ZDHHC11: variants seen among roughly 807,000 people sequenced by gnomAD.
ZDHHC11 encodes palmitoyltransferase ZDHHC11.
In ZDHHC11, 44 loss-of-function variants were observed where a neutral mutation model predicts 51.3. That is an observed-to-expected ratio of 0.86 (90% confidence interval 0.67 to 1.10). The LOEUF is 1.10. ZDHHC11 is among the 50% of genes least tolerant of loss of function. ZDHHC11 has a pLI of 0.00. For missense variants in ZDHHC11, 400 were observed against 537.7 expected (o/e 0.74, Z 2.53); for synonymous variants, 163 against 222.0 (o/e 0.73, Z 2.36).
At chr5:847,234 G>A (rs1746384353) in intron 3 of ZDHHC11, among the ~76,000 whole-genome samples, 1 of 151,710 alleles carries the variant, frequency 6.6e-6, no homozygotes, top group South Asian at 2.1e-4. Context: ...GGACAGCGTG[G>A]TCAGGAGGCC....
At chr5:827,661 T>A (rs1579658033) in intron 7 of ZDHHC11, among the ~76,000 whole-genome samples, 1 of 150,584 alleles carries the variant, frequency 6.6e-6, no homozygotes, top group African/African-American at 2.4e-5. Context: ...GATAAAAGAA[T>A]CACTCCAAAA....
chr5:825,062 T>C (rs1742135097), intron 8 of ZDHHC11, 102 bp downstream of exon 8: 2 of 1,206,534 alleles, frequency 1.7e-6, no homozygotes, highest in Non-Finnish European at 2.4e-6. Context: ...ACAGAGTGCT[T>C]CCATTCTGAA....
chr5:837,993 G>C (rs928603566), intron 5 of ZDHHC11, among the ~76,000 whole-genome samples: 2 of 151,936 alleles, frequency 1.3e-5, no homozygotes, highest in Non-Finnish European at 2.9e-5. Flanking sequence ...GGAGGACCAC[G>C]CAGTGGGGCG....
At chr5:802,712 AC>A (rs1738610605) in intron 11 of ZDHHC11, among the ~76,000 whole-genome samples, 1 of 149,468 alleles carries the variant, frequency 6.7e-6, no homozygotes, top group African/African-American at 2.5e-5. Context: ...GGTGGCTCAC[AC>A]CTGTAATCCC....
At position 799,348 on chromosome 5, in the gene ZDHHC11, A is replaced by C. The variant is rs916313656; in HGVS notation, c.*7+1752T>G. Among the ~76,000 whole-genome samples, 11 of 151,080 alleles carry C rather than the reference A, an allele frequency of 7.3e-5. 2 individuals carry two copies. The highest frequency in any genetic ancestry group is 2.7e-4 in the African/African-American group (11 of 41,194). ...TTAGTGGAAGAAGGCTGAGACCCTC[A>C]CCACATGCAGAGCTCAATCTTCAAC... On this transcript the variant is annotated intron_variant, in intron 12 of 12. Transcript: ENST00000283441.
intron 12 of ZDHHC11, among the ~76,000 whole-genome samples, chr5:798,555 G>A (rs1408108131): frequency 4.7e-5 from 7 of 150,124 alleles, no homozygotes; most frequent in African/African-American, 1.7e-4. Context: ...CCATCGGTCT[G>A]TATTCCACGA....
In ZDHHC11 at chr5:837,430, C is replaced by G; in HGVS notation, c.835G>C (p.Glu279Gln). Residue 279 changes from glutamate (E) to glutamine (Q), a missense_variant, in exon 6 of 13, where the codon GAG becomes CAG. Around this residue, in one of 5 missense-constraint regions of ZDHHC11, gnomAD observed 231 missense variants for 227.4 expected, o/e 1.02. Coordinates refer to ENST00000283441, the MANE Select transcript of ZDHHC11 (RefSeq NM_024786.3). ...FEYLINNRKEESSKHQAVRKD... is the reference protein window; with the variant it reads ...FEYLINNRKEQSSKHQAVRKD... ...CTCACTGCTTGATGTTTTGAACTCT[C>G]TTCTTTGCGGTTATTAATGAGATAC... is the stretch of plus-strand genomic sequence containing the variant. 1.2e-6 allele frequency: 2 copies of G among 1,612,668 alleles called. No homozygotes were observed. The highest frequency in any genetic ancestry group is 1.7e-6 in the Non-Finnish European group (2 of 1,178,960).
At chr5:820,276 G>A (rs1396635869) in intron 9 of ZDHHC11, among the ~76,000 whole-genome samples, 1 of 151,510 alleles carries the variant, frequency 6.6e-6, no homozygotes, top group African/African-American at 2.4e-5. Context: ...CAGTAGTTTT[G>A]CCAATTACCC....
At chr5:799,003 A>G (rs2150272455) in intron 12 of ZDHHC11, among the ~76,000 whole-genome samples, 1 of 151,940 alleles carries the variant, frequency 6.6e-6, no homozygotes, top group East Asian at 1.9e-4. Flanking sequence ...ATCTTGTTTC[A>G]GTCACTAATC....
intron 12 of ZDHHC11, among the ~76,000 whole-genome samples, chr5:799,705 C>G (rs1738135087): frequency 6.6e-6 from 1 of 151,528 alleles, no homozygotes; most frequent in Admixed American, 6.6e-5. Flanking sequence ...AGGCGCTGTT[C>G]TATAGACATT....
rs1316735731 is a variant in ZDHHC11, at chr5:840,615, G to T, written c.664C>A (p.Pro222Thr). Reference protein sequence around the residue: ...KNMNTWLLFLPLFPVQVQTLI... With the variant: ...KNMNTWLLFLTLFPVQVQTLI... ...GTCTGCACCTGCACCGGGAACAGGG[G>T]GAGGAACAGCAGCCACGTGTTCATA... Residue 222 changes from proline to threonine, a missense_variant, in exon 5 of 13, where the codon CCC becomes ACC. By Grantham distance (38) the Pro-to-Thr change is conservative. Coordinates refer to ENST00000283441, the MANE Select transcript of ZDHHC11 (RefSeq NM_024786.3). 1.2e-6 allele frequency: 2 copies of T among 1,613,780 alleles called. No individual in the cohort carries two copies. The highest frequency in any genetic ancestry group is 1.7e-5 in the Admixed American group (1 of 60,006).
chr5:834,165 T>C (rs10053896), intron 6 of ZDHHC11, among the ~76,000 whole-genome samples: 938 of 152,304 alleles, frequency 6.2e-3, no homozygotes, highest in Admixed American at 0.057. Flanking sequence ...GTCTGTCTTG[T>C]TGATGACAAG....
chr5:840,764 C>T (rs1452907580), intron 4 of ZDHHC11, 114 bp from the exon 5 acceptor site: 19 of 1,564,210 alleles, frequency 1.2e-5, no homozygotes, highest in African/African-American at 4.0e-5. Flanking sequence ...ACAGCCAGTG[C>T]GAGGGATGTC....
At chr5:849,127 C>A (rs1312083875) in intron 1 of ZDHHC11, among the ~76,000 whole-genome samples, 5 of 152,208 alleles carry the variant, frequency 3.3e-5, no homozygotes, top group African/African-American at 7.2e-5. Flanking sequence ...CACACACAGC[C>A]CTGCTTACCC....
intron 8 of ZDHHC11, among the ~76,000 whole-genome samples, chr5:824,366 T>A (rs1579642251): frequency 1.3e-5 from 2 of 151,156 alleles, no homozygotes; most frequent in South Asian, 4.2e-4. Flanking sequence ...GAGGCTAAGG[T>A]GGGAAGATTG....
At chr5:838,618 C>T (rs1355349394) in intron 5 of ZDHHC11, among the ~76,000 whole-genome samples, 5 of 152,266 alleles carry the variant, frequency 3.3e-5, no homozygotes, top group Non-Finnish European at 7.4e-5. Flanking sequence ...TGGGGACAGG[C>T]CTGGGCGTCC....
upstream of ZDHHC11, among the ~76,000 whole-genome samples, chr5:855,769 T>C (rs1281180921): frequency 1.5e-5 from 1 of 68,314 alleles, no homozygotes; most frequent in Non-Finnish European, 2.8e-5. Context: ...CGAGCGAGGG[T>C]TACAGACACC....
At chr5:810,374 T>C (rs1421857703) in intron 11 of ZDHHC11, among the ~76,000 whole-genome samples, 1 of 150,626 alleles carries the variant, frequency 6.6e-6, no homozygotes, top group Non-Finnish European at 1.5e-5. Flanking sequence ...CGTCCACCCA[T>C]TCCCTTCGAC....
At chr5:827,145 T>C (rs1246491791) in intron 7 of ZDHHC11, among the ~76,000 whole-genome samples, 7 of 149,838 alleles carry the variant, frequency 4.7e-5, no homozygotes, top group African/African-American at 9.8e-5. Flanking sequence ...CTAAATGAAG[T>C]AGAGAAAATG....
Sources: allele counts gnomAD v4.1 joint callset (sites outside exome capture counted in the v4.1 genomes callset), GRCh38; gene constraint gnomAD v4.1.1; regional missense constraint gnomAD v4.1.1; transcripts MANE v1.5; gene names NCBI Gene and HGNC (gene_info 2026-07-23, HGNC 2026-07-21).